MIOS: variants seen among roughly 807,000 people sequenced by gnomAD.
MIOS encodes the protein GATOR2 complex protein MIOS.
Under a neutral mutation model 96.9 loss-of-function variants are expected in MIOS, and 52 were observed. The ratio of observed to expected loss-of-function variants is 0.54; its 90% confidence interval spans 0.43 to 0.68. MIOS has a LOEUF of 0.68. Ranked by LOEUF, MIOS falls within the 30% of genes least tolerant of loss-of-function variation. MIOS has a pLI of 0.00. For missense variants in MIOS, 1,005 were observed against 1,052.8 expected (o/e 0.95, Z 0.63); for synonymous variants, 397 against 359.5 (o/e 1.10, Z -1.18).
At chr7:7,579,519 A>T (rs73349856) in intron 5 of MIOS, among the ~76,000 whole-genome samples, 9,046 of 152,218 alleles carry the variant, frequency 0.059, 873 homozygotes, top group African/African-American at 0.21. Context: ...ATTGTGTTAG[A>T]GTTGCCTGCA....
Position 7,606,153 on chromosome 7 carries a change from A to G in MIOS, c.2531+82A>G, listed in dbSNP as rs149468317. 2.8e-4 allele frequency: 424 copies of G among 1,523,820 alleles called. No homozygotes were observed. In the African/African-American group the frequency reaches 4.9e-3, roughly 18 times the overall value. 94.4% of individuals were successfully genotyped at this position (1,523,820 alleles called of 1,614,324 possible). A position where few individuals can be genotyped will look rare whatever the true frequency, so the allele number is the denominator to read the frequency against. On this transcript the variant is annotated intron_variant, in intron 12 of 12. Transcript: ENST00000340080. Reference sequence around the variant, plus strand: ...GCTTCTAAATAGTTTGGGTTTATCTATTAGCATTTAGCCAAAGTATGAATT... The same window carrying G: ...GCTTCTAAATAGTTTGGGTTTATCTGTTAGCATTTAGCCAAAGTATGAATT...
intron 5 of MIOS, among the ~76,000 whole-genome samples, chr7:7,575,363 G>T (rs530816700): frequency 6.6e-6 from 1 of 152,122 alleles, no homozygotes; most frequent in Non-Finnish European, 1.5e-5. Context: ...ACTGAAAGAT[G>T]CAGTAGACTA....
chr7:7,592,365 T>C (rs565189137), intron 9 of MIOS, among the ~76,000 whole-genome samples: 1 of 152,224 alleles, frequency 6.6e-6, no homozygotes, highest in Non-Finnish European at 1.5e-5. Context: ...TTCATTTCAG[T>C]TATTGTGCTT....
chr7:7,591,115 T>G (rs995608655), intron 9 of MIOS, among the ~76,000 whole-genome samples: 5 of 152,156 alleles, frequency 3.3e-5, no homozygotes, highest in Admixed American at 2.6e-4. Flanking sequence ...TCCTATAGCA[T>G]TCCTTGTAAT....
At chr7:7,600,155 C>T (rs186779893) in intron 11 of MIOS, among the ~76,000 whole-genome samples, 8 of 151,350 alleles carry the variant, frequency 5.3e-5, no homozygotes, top group Admixed American at 4.0e-4. Context: ...ACATGTACCC[C>T]TGAAACTAAA....
intron 5 of MIOS, among the ~76,000 whole-genome samples, chr7:7,577,411 C>A (rs1443491477): frequency 1.3e-5 from 2 of 152,082 alleles, no homozygotes; most frequent in African/African-American, 4.8e-5. Flanking sequence ...ATTATAAATA[C>A]TTTTTTTGAA....
At chr7:7,582,272 T>A (rs1783755218) in intron 5 of MIOS, among the ~76,000 whole-genome samples, 1 of 152,184 alleles carries the variant, frequency 6.6e-6, no homozygotes, top group Non-Finnish European at 1.5e-5. Context: ...CTGAAAATCC[T>A]TTTTGTTAAA....
intron 7 of MIOS, among the ~76,000 whole-genome samples, chr7:7,587,076 T>C (rs1383110492): frequency 7.3e-5 from 11 of 150,852 alleles, no homozygotes; most frequent in Non-Finnish European, 1.0e-4. Flanking sequence ...AGTGGTGCAA[T>C]GGCAGCTCAC....
intron 9 of MIOS, among the ~76,000 whole-genome samples, chr7:7,593,858 G>A (rs534542211): frequency 4.8e-5 from 6 of 125,548 alleles, no homozygotes; most frequent in East Asian, 2.2e-4. Context: ...CAGCCTGGCC[G>A]ACAGAGTGAG....
At chr7:7,578,609 A>G (rs771129926) in intron 5 of MIOS, among the ~76,000 whole-genome samples, 25 of 152,312 alleles carry the variant, frequency 1.6e-4, no homozygotes, top group Non-Finnish European at 3.5e-4. Context: ...AAACTGGATA[A>G]TTGTATTGCT....
In MIOS at chr7:7,607,288, C is replaced by T. The variant is rs962708458; in HGVS notation, c.*196C>T. 1 of 483,454 alleles carries T rather than the reference C, an allele frequency of 2.1e-6. No homozygotes were observed. Among genetic ancestry groups the T allele is most frequent in the African/African-American group, 2.0e-5 (1 of 49,884 alleles). The allele number at this position is 483,454 out of a possible 1,614,324, so 29.9% of individuals were successfully genotyped here. A position where few individuals can be genotyped will look rare whatever the true frequency, so the allele number is the denominator to read the frequency against. ...CAGAGACAAATGCTGCCAAAATAAACATCGAAGTATAGACATGAGTTCTGT... is the reference window on the plus strand; with the variant it reads ...CAGAGACAAATGCTGCCAAAATAAATATCGAAGTATAGACATGAGTTCTGT... On this transcript the variant is annotated 3_prime_UTR_variant, in exon 13 of 13. Coordinates refer to ENST00000340080, the MANE Select transcript of MIOS (RefSeq NM_019005.4).
At chr7:7,602,269 A>C (rs1784401796) in intron 11 of MIOS, among the ~76,000 whole-genome samples, 1 of 152,230 alleles carries the variant, frequency 6.6e-6, no homozygotes, top group Non-Finnish European at 1.5e-5. Context: ...ATTTAGGAAA[A>C]GAGGAAGTCA....
Position 7,589,417 on chromosome 7 carries a change from A to T in MIOS, c.1897A>T (p.Ile633Phe). ...FLSDTQLNRY[I>F]EKLTNEMKEA... ...TTAAATTTTCCAGTTAAATAGATAC[A>T]TCGAAAAGTTGACCAATGAAATGAA... is the stretch of plus-strand genomic sequence containing the variant. Residue 633 changes from isoleucine (I) to phenylalanine (F), a missense_variant, in exon 9 of 13, where the codon ATC (isoleucine) becomes TTC (phenylalanine). This residue lies in a region of MIOS where 865 missense variants were observed against 887.9 expected (regional missense o/e 0.97). Coordinates refer to ENST00000340080, the MANE Select transcript of MIOS (RefSeq NM_019005.4). The T allele has an allele frequency of 6.2e-7, 1 of 1,613,370 alleles. No homozygotes were observed. The highest frequency in any genetic ancestry group is 8.5e-7 in the Non-Finnish European group (1 of 1,179,530).
intron 6 of MIOS, among the ~76,000 whole-genome samples, chr7:7,584,189 TA>T (rs1220927506): frequency 7.9e-5 from 12 of 152,140 alleles, no homozygotes; most frequent in African/African-American, 2.9e-4. Flanking sequence ...TTTTGTAGTC[TA>T]AAAGTTAAAA....
intron 6 of MIOS, among the ~76,000 whole-genome samples, chr7:7,583,869 G>C (rs1254143761): frequency 6.6e-6 from 1 of 152,062 alleles, no homozygotes; most frequent in African/African-American, 2.4e-5. Context: ...ATTGCTTCTT[G>C]AATCTGGTGA....
chr7:7,589,712 T>C (rs76124801), intron 9 of MIOS, 149 bp downstream of exon 9: 78,500 of 780,718 alleles, frequency 0.1, 4,546 homozygotes, highest in Middle Eastern at 0.2. Flanking sequence ...TGAAGACTTG[T>C]GCCTTATCTT....
chr7:7,608,321 G>A lies in MIOS; in HGVS notation c.*1229G>A, dbSNP rs1339026221. 1.3e-5 allele frequency: 2 copies of A among 151,960 alleles called. No individual in the cohort carries two copies. Among genetic ancestry groups the A allele is most frequent in the Non-Finnish European group, 2.9e-5 (2 of 67,928 alleles). 9.4% of individuals were successfully genotyped at this position (151,960 alleles called of 1,614,324 possible). A position where few individuals can be genotyped will look rare whatever the true frequency, so the allele number is the denominator to read the frequency against. The stretch of plus-strand genomic sequence containing the variant: ...GAGTAAATCTTATTTTATAGATTTT[G>A]GAGAAATAAAACAAGAATTTTAAGA... On this transcript the variant is annotated 3_prime_UTR_variant, in exon 13 of 13. Transcript: ENST00000340080.
intron 9 of MIOS, among the ~76,000 whole-genome samples, chr7:7,594,550 C>G (rs1784148839): frequency 6.6e-6 from 1 of 152,298 alleles, no homozygotes; most frequent in East Asian, 1.9e-4. Flanking sequence ...CTACCTCGGC[C>G]TTCCAAAGTG....
At chr7:7,601,983 C>T (rs1300431700) in intron 11 of MIOS, among the ~76,000 whole-genome samples, 1 of 152,192 alleles carries the variant, frequency 6.6e-6, no homozygotes, top group Non-Finnish European at 1.5e-5. Context: ...ACATGATTAT[C>T]TCAATAGATG....
Sources: allele counts gnomAD v4.1 joint callset (sites outside exome capture counted in the v4.1 genomes callset), GRCh38; gene constraint gnomAD v4.1.1; regional missense constraint gnomAD v4.1.1; transcripts MANE v1.5; gene names NCBI Gene and HGNC (gene_info 2026-07-23, HGNC 2026-07-21).